Variants in DPF3 observed in about 807,000 individuals in gnomAD.
DPF3 encodes the protein zinc finger protein DPF3.
In DPF3, 18 loss-of-function variants were observed where a neutral mutation model predicts 56.8. The ratio of observed to expected loss-of-function variants is 0.32; its 90% CI spans 0.22 to 0.47. DPF3 has a LOEUF of 0.47. DPF3 is among the 20% of genes least tolerant of loss of function. The pLI, the probability that DPF3 is intolerant of heterozygous loss-of-function variation, is 1.00. For synonymous variants in DPF3, 188 were observed against 180.2 expected, an observed-to-expected ratio of 1.04 and a Z score of -0.35; for missense variants, 403 against 488.8, an observed-to-expected ratio of 0.82 and a Z score of 1.65.
At chr14:72,812,741 T>C in intron 1 of DPF3, among the ~76,000 whole-genome samples, 1 of 152,034 alleles carries the variant, frequency 6.6e-6, no homozygotes, top group East Asian at 1.9e-4. Context: ...CACAGAGCAG[T>C]GTGCAATGCG....
At chr14:72,785,843 G>A (rs1435124675) in intron 1 of DPF3, among the ~76,000 whole-genome samples, 1 of 152,156 alleles carries the variant, frequency 6.6e-6, no homozygotes, top group Non-Finnish European at 1.5e-5. Context: ...GAGGCCCTGT[G>A]GTTCTGAACA....
chr14:72,790,844 T>C (rs1471284291), intron 1 of DPF3, among the ~76,000 whole-genome samples: 2 of 152,178 alleles, frequency 1.3e-5, no homozygotes, highest in Non-Finnish European at 2.9e-5. Context: ...CTGGCCTCTG[T>C]GTGCTGGCTC....
At chr14:72,717,758 G>A (rs1485110553) in intron 5 of DPF3, among the ~76,000 whole-genome samples, 1 of 152,186 alleles carries the variant, frequency 6.6e-6, no homozygotes, top group Non-Finnish European at 1.5e-5. Context: ...CACAGTCCCA[G>A]GGCCAGCAGA....
At chr14:72,852,735 G>T (rs767786387) in intron 1 of DPF3, among the ~76,000 whole-genome samples, 2 of 152,052 alleles carry the variant, frequency 1.3e-5, no homozygotes, top group African/African-American at 4.8e-5. Flanking sequence ...CACATCGTCC[G>T]TGTTGACTGC....
intron 8 of DPF3, among the ~76,000 whole-genome samples, chr14:72,646,147 T>C (rs1388975305): frequency 6.6e-6 from 1 of 152,174 alleles, no homozygotes; most frequent in East Asian, 1.9e-4. Context: ...CCAAAAAAAC[T>C]CTCATCAAAG....
intron 1 of DPF3, among the ~76,000 whole-genome samples, chr14:72,861,784 A>AAAGAAAGAAAGAAAGGAAGG (rs1555514027): frequency 2.7e-5 from 4 of 148,346 alleles, no homozygotes; most frequent in African/African-American, 7.5e-5. Context: ...AGAAAGAAAG[A>AAAGAAAGAAAGAAAGGAAGG]AAGAAAGAAA....
At chr14:72,661,130 T>G in intron 8 of DPF3, 1 of 984,980 alleles carries the variant, frequency 1.0e-6, no homozygotes, top group Non-Finnish European at 1.2e-6. Flanking sequence ...TTTATCACAG[T>G]TCTACACAGG....
intron 1 of DPF3, among the ~76,000 whole-genome samples, chr14:72,790,110 G>T (rs1892367046): frequency 6.6e-6 from 1 of 152,068 alleles, no homozygotes; most frequent in South Asian, 2.1e-4. Context: ...TAATTGGCCA[G>T]GCACAATGGC....
At chr14:72,671,913 A>G (rs575393897) in intron 8 of DPF3, among the ~76,000 whole-genome samples, 1 of 152,246 alleles carries the variant, frequency 6.6e-6, no homozygotes, top group South Asian at 2.1e-4. Flanking sequence ...TTTGCACTGA[A>G]AGCAAAAGGA....
At chr14:72,886,945 C>T (rs1440379827) in intron 1 of DPF3, among the ~76,000 whole-genome samples, 1 of 152,144 alleles carries the variant, frequency 6.6e-6, no homozygotes, top group African/African-American at 2.4e-5. Context: ...CTAGAGGAAG[C>T]TCAGTGAGAC....
In DPF3 at chr14:72,875,817, G is replaced by T. The variant is rs566031875; in HGVS notation, c.32+18240C>A. ...GTAGACAGCTGCAGCAGTGGCAGGGGTGTCTGGGTGGGAACCAGGCAGCAC... is the reference window on the plus strand; with the variant it reads ...GTAGACAGCTGCAGCAGTGGCAGGGTTGTCTGGGTGGGAACCAGGCAGCAC... On this transcript the variant is annotated intron_variant, in intron 1 of 10. Coordinates refer to ENST00000556509, the MANE Select transcript of DPF3 (RefSeq NM_001280542.3). Among the ~76,000 whole-genome samples, 130 of 152,286 alleles carry T rather than the reference G, an allele frequency of 8.5e-4. 1 individual carries two copies. Among genetic ancestry groups the T allele is most frequent in the African/African-American group, 3.1e-3 (127 of 41,568 alleles).
Position 72,670,569 on chromosome 14 carries a change from AG to A in DPF3, c.871+3670del, listed in dbSNP as rs1432899523. ...AGAATAGTGCAACCGTCTCCCATTG[AG>A]GAAATTCTCCCCACCGGGCGGCTTG... is the stretch of plus-strand genomic sequence containing the variant. On this transcript the variant is annotated intron_variant, in intron 8 of 10. Coordinates refer to ENST00000556509, the MANE Select transcript of DPF3 (RefSeq NM_001280542.3). 3 of 987,464 alleles carry A rather than the reference AG, an allele frequency of 3.0e-6. No individual in the cohort carries two copies. In the African/African-American group the frequency reaches 5.2e-5, roughly 17 times the overall value. 61.2% of individuals were successfully genotyped at this position (987,464 alleles called of 1,614,324 possible).
chr14:72,869,883 T>C (rs1347544983), intron 1 of DPF3, among the ~76,000 whole-genome samples: 2 of 152,118 alleles, frequency 1.3e-5, no homozygotes, highest in Non-Finnish European at 2.9e-5. Flanking sequence ...CTTGCTTTTT[T>C]TTCCCTAGAG....
intron 3 of DPF3, among the ~76,000 whole-genome samples, chr14:72,753,032 T>G (rs963488505): frequency 6.6e-6 from 1 of 152,002 alleles, no homozygotes; most frequent in African/African-American, 2.4e-5. Flanking sequence ...CTCCCTGGGG[T>G]GGCAAAGGGA....
At chr14:72,779,510 T>C (rs1480391042) in intron 1 of DPF3, among the ~76,000 whole-genome samples, 1 of 152,170 alleles carries the variant, frequency 6.6e-6, no homozygotes, top group East Asian at 1.9e-4. Context: ...GGAAAAACTA[T>C]GTATTGGGGT....
chr14:72,765,553 T>C (rs1391688598), intron 2 of DPF3, among the ~76,000 whole-genome samples: 4 of 152,220 alleles, frequency 2.6e-5, no homozygotes, highest in Non-Finnish European at 5.9e-5. Flanking sequence ...GATACAGCCA[T>C]GCAATGGACT....
At chr14:72,645,104 G>C (rs1361139508) in intron 8 of DPF3, among the ~76,000 whole-genome samples, 1 of 152,164 alleles carries the variant, frequency 6.6e-6, no homozygotes, top group Non-Finnish European at 1.5e-5. Context: ...TTTCATGTGA[G>C]AATTAAGGAC....
chr14:72,673,190 T>C (rs1309828007), intron 8 of DPF3, among the ~76,000 whole-genome samples: 1 of 152,202 alleles, frequency 6.6e-6, no homozygotes, highest in Non-Finnish European at 1.5e-5. Context: ...AAGCTAAGGT[T>C]TGCAGACAGA....
At chr14:72,712,775 G>A (rs1048872575) in intron 6 of DPF3, among the ~76,000 whole-genome samples, 2 of 152,244 alleles carry the variant, frequency 1.3e-5, no homozygotes, top group Admixed American at 1.3e-4. Context: ...GCTGAGGCAG[G>A]AGGATGGCTT....
Sources: gnomAD v4.1 joint callset for allele counts (sites outside exome capture counted in the v4.1 genomes callset) on GRCh38, gnomAD v4.1.1 for gene constraint, MANE v1.5 for transcripts, NCBI Gene and HGNC (gene_info 2026-07-23, HGNC 2026-07-21) for gene names.